NLRP7: variants seen among roughly 807,000 people sequenced by gnomAD.
NLRP7 encodes the protein NACHT, LRR and PYD domains-containing protein 7.
In NLRP7, 72 loss-of-function variants were observed where a neutral mutation model predicts 85.5. The observed-to-expected ratio is 0.84, with a 90% CI of 0.70 to 1.02. The LOEUF is 1.02. Among genes scored for constraint, NLRP7 ranks in the 50% least tolerant of loss-of-function variants. The pLI is 0.00. For missense variants in NLRP7, 1,243 were observed against 1,219.5 expected (o/e 1.02, Z -0.29); for synonymous variants, 550 against 505.2 (o/e 1.09, Z -1.19).
rs755270258 is a variant in NLRP7, at chr19:54,930,672, G to A, written c.2643-6C>T. 6 of 1,612,882 alleles carry A rather than the reference G, an allele frequency of 3.7e-6. No individual in the cohort carries two copies. The highest frequency in any genetic ancestry group is 3.3e-5 in the South Asian group (3 of 91,058). ...TTATGCTGCATTGCTGTAACCTACA[G>A]GATAATCAAAGGAAGAGAAGCCTGT... On this transcript the variant is annotated splice_polypyrimidine_tract_variant and splice_region_variant and intron_variant, in intron 8 of 9. Coordinates refer to ENST00000340844, the Ensembl canonical transcript of NLRP7.
intron 5 of NLRP7, among the ~76,000 whole-genome samples, chr19:54,937,089 G>A (rs2068963663): frequency 6.8e-6 from 1 of 146,196 alleles, no homozygotes; most frequent in South Asian, 2.2e-4. Context: ...GTGGTGGCGG[G>A]CGCCTGTAGT....
At chr19:54,939,090 C>T in exon 4 of NLRP7, 2 of 1,614,236 alleles carry the variant, frequency 1.2e-6, no homozygotes, top group Non-Finnish European at 1.7e-6. Flanking sequence ...TCCTGAGACT[C>T]ATACAGGCAG....
At chr19:54,946,727 C>G (rs538757279) in intron 1 of NLRP7, among the ~76,000 whole-genome samples, 3 of 152,188 alleles carry the variant, frequency 2.0e-5, no homozygotes, top group African/African-American at 7.2e-5. Context: ...GCAACCTCCC[C>G]CTCCTAGGTT....
chr19:54,931,180 G>A (rs2068661039), intron 8 of NLRP7, among the ~76,000 whole-genome samples: 1 of 152,096 alleles, frequency 6.6e-6, no homozygotes, highest in Non-Finnish European at 1.5e-5. Flanking sequence ...TCACAGCAGT[G>A]GGAGGCCAAG....
chr19:54,957,941 C>T (rs2069912390), intron 1 of NLRP7, among the ~76,000 whole-genome samples: 1 of 152,014 alleles, frequency 6.6e-6, no homozygotes, highest in South Asian at 2.1e-4. Context: ...GGGGGCCGGG[C>T]ACGGTGTCTC....
In NLRP7 at chr19:54,959,141, C is replaced by CT. The variant is rs74177888; in HGVS notation, c.-77+6898dup. ...TTCACTTCCTTGTTTTTTTCTTTTT[C>CT]TTTTTTTTTTTTTTTGAGACAGAGT... On this transcript the variant is annotated intron_variant, in intron 1 of 2. Coordinates refer to the NLRP7 transcript ENST00000587103. Among the ~76,000 whole-genome samples the CT allele has an allele frequency of 5.5e-3, 741 of 134,646 alleles. 12 individuals are homozygous for CT. Among genetic ancestry groups the CT allele is most frequent in the Middle Eastern group, 0.011 (3 of 266 alleles). 88.3% of individuals were successfully genotyped at this position (134,646 alleles called of 152,430 possible).
At chr19:54,941,914 G>C (rs956748510) in intron 1 of NLRP7, among the ~76,000 whole-genome samples, 164 bp from the exon 2 acceptor site, 1 of 152,108 alleles carries the variant, frequency 6.6e-6, no homozygotes, top group Admixed American at 6.6e-5. Flanking sequence ...GGTGGCTCAC[G>C]CCTGCGGCCA....
At chr19:54,947,436 G>A (rs1055223248) in intron 1 of NLRP7, 33 bp downstream of exon 1, 5 of 1,285,158 alleles carry the variant, frequency 3.9e-6, no homozygotes, top group African/African-American at 1.5e-5. Context: ...TAAACGAGAA[G>A]ACAAAGAAAT....
chr19:54,939,801 C>T lies in NLRP7; in HGVS notation c.1018G>A (p.Glu340Lys), dbSNP rs747465925. The T allele has an allele frequency of 1.3e-5, 21 of 1,613,934 alleles. 2 individuals carry two copies. In the South Asian group the frequency reaches 2.0e-4, roughly 15 times the overall value. ...TCAAAGGCACGCATGGCTTGGTCCT[C>T]GTCTCCAAAGTGTCTCAGGAAATAG... is the stretch of plus-strand genomic sequence containing the variant. The change falls in exon 4 of 10, where the codon GAG becomes AAG. Residue 340 changes from glutamate (E) to lysine (K), a missense_variant. Coordinates refer to ENST00000340844, the Ensembl canonical transcript of NLRP7.
exon 4 of NLRP7, chr19:54,940,339 G>C (rs753423492): frequency 6.2e-7 from 1 of 1,614,074 alleles, no homozygotes; most frequent in Non-Finnish European, 8.5e-7. Flanking sequence ...TGGGATTCAA[G>C]AATGGAATGA....
At chr19:54,931,231 G>C (rs2068663567) in intron 8 of NLRP7, among the ~76,000 whole-genome samples, 1 of 151,832 alleles carries the variant, frequency 6.6e-6, no homozygotes, top group Admixed American at 6.6e-5. Context: ...AGACCAGCCT[G>C]GCCAACATGG....
chr19:54,927,437 G>C (rs1333768954), intron 9 of NLRP7, among the ~76,000 whole-genome samples, 168 bp downstream of exon 10: 2 of 151,142 alleles, frequency 1.3e-5, no homozygotes, highest in African/African-American at 4.9e-5. Context: ...ATGCCTCTAG[G>C]CCCAGCTACT....
rs757137066 is a variant in NLRP7, at chr19:54,927,813, A to C, written c.2810+2686T>G. The C allele has an allele frequency of 1.1e-5, 17 of 1,592,292 alleles. No homozygotes were observed. In the East Asian group the frequency reaches 1.8e-4, roughly 17 times the overall value. ...AACATGGAAATCCACGCATTCACTG[A>C]GCAGGTAGTGGCTCAAGCGTGTAAT... On this transcript the variant is annotated intron_variant, in intron 9 of 9. Transcript: ENST00000340844.
intron 9 of NLRP7, among the ~76,000 whole-genome samples, chr19:54,930,073 C>G (rs2068608486): frequency 6.8e-6 from 1 of 148,112 alleles, no homozygotes; most frequent in African/African-American, 2.5e-5. Flanking sequence ...CGAGATCGCG[C>G]CACTGCACTC....
At chr19:54,931,171 C>T (rs961099579) in intron 8 of NLRP7, among the ~76,000 whole-genome samples, 1 of 152,194 alleles carries the variant, frequency 6.6e-6, no homozygotes, top group African/African-American at 2.4e-5. Flanking sequence ...CGCCTATAAT[C>T]ACAGCAGTGG....
At chr19:54,927,850 G>T in intron 9 of NLRP7, 75 bp from the exon 10 acceptor site, 1 of 1,342,766 alleles carries the variant, frequency 7.4e-7, no homozygotes. Context: ...CCAACACTTC[G>T]GGAGGCCAAG....
intron 9 of NLRP7, among the ~76,000 whole-genome samples, chr19:54,924,728 G>C (rs2068361463): frequency 6.6e-6 from 1 of 152,028 alleles, no homozygotes; most frequent in South Asian, 2.1e-4. Context: ...CTGAGGTCAG[G>C]AATTCGAGAC....
At chr19:54,940,134 T>C (rs2069154775) in exon 4 of NLRP7, 1 of 1,614,178 alleles carries the variant, frequency 6.2e-7, no homozygotes, top group Non-Finnish European at 8.5e-7. Flanking sequence ...GGCCAGTCTT[T>C]GGAGATCAGC....
chr19:54,945,661 C>T (rs1489520207), intron 1 of NLRP7, among the ~76,000 whole-genome samples: 1 of 151,984 alleles, frequency 6.6e-6, no homozygotes, highest in Non-Finnish European at 1.5e-5. Flanking sequence ...TGCAGTGGCA[C>T]AATCTCGACT....
Sources: allele counts gnomAD v4.1 joint callset (sites outside exome capture counted in the v4.1 genomes callset), GRCh38; gene constraint gnomAD v4.1.1; transcripts MANE v1.5; gene names NCBI Gene and HGNC (gene_info 2026-07-23, HGNC 2026-07-21).